Variants in EPHB2 observed in about 807,000 individuals in gnomAD.
EPHB2 encodes the protein ephrin type-B receptor 2.
In EPHB2, 18 loss-of-function variants were observed where a neutral mutation model predicts 96.4. The observed-to-expected ratio is 0.19, with a 90% CI of 0.13 to 0.28. The LOEUF (loss-of-function observed/expected upper bound fraction) is 0.28. Ranked by LOEUF, EPHB2 falls within the 10% of genes least tolerant of loss-of-function variation. The probability of loss-of-function intolerance (pLI) is 1.00; values close to 1 mark genes in which losing one functional copy is unlikely to be tolerated. For synonymous variants in EPHB2, 506 were observed against 534.1 expected (o/e 0.95, Z 0.72); for missense variants, 989 against 1,355.4 (o/e 0.73, Z 4.25).
At chr1:22,781,213 G>T (rs563619228) in intron 1 of EPHB2, among the ~76,000 whole-genome samples, 16 of 151,746 alleles carry the variant, frequency 1.1e-4, no homozygotes, top group Non-Finnish European at 2.1e-4. Flanking sequence ...CCAGCTACTC[G>T]GGAGGCTGAG....
chr1:22,820,217 G>C (rs549700776), intron 3 of EPHB2, among the ~76,000 whole-genome samples: 1 of 152,096 alleles, frequency 6.6e-6, no homozygotes, highest in African/African-American at 2.4e-5. Context: ...TTGAAGCCTC[G>C]GTGTTCCCAT....
intron 3 of EPHB2, among the ~76,000 whole-genome samples, chr1:22,829,627 A>T (rs1483024153): frequency 6.6e-6 from 1 of 152,064 alleles, no homozygotes; most frequent in African/African-American, 2.4e-5. Context: ...GTCACTGGGG[A>T]GGTGGACGTG....
intron 3 of EPHB2, among the ~76,000 whole-genome samples, chr1:22,832,401 C>A (rs572207365): frequency 3.3e-4 from 51 of 152,352 alleles, no homozygotes; most frequent in Non-Finnish European, 5.7e-4. Context: ...TGTATCCCTT[C>A]TCAGCTTGCA....
intron 1 of EPHB2, among the ~76,000 whole-genome samples, chr1:22,728,027 C>A (rs939496620): frequency 6.6e-6 from 1 of 152,014 alleles, no homozygotes; most frequent in African/African-American, 2.4e-5. Flanking sequence ...TAAAAAATGT[C>A]TTAACCACTC....
At chr1:22,905,521 A>G (rs1639882010) in intron 9 of EPHB2, among the ~76,000 whole-genome samples, 2 of 152,304 alleles carry the variant, frequency 1.3e-5, no homozygotes, top group Non-Finnish European at 2.9e-5. Flanking sequence ...AGCTCTCCTT[A>G]GCAGAACCCC....
At chr1:22,714,765 G>A (rs1053274931) in intron 1 of EPHB2, among the ~76,000 whole-genome samples, 7 of 152,162 alleles carry the variant, frequency 4.6e-5, no homozygotes, top group South Asian at 2.1e-4. Context: ...GTCGGTTCCC[G>A]GCTAGACTGT....
chr1:22,715,154 A>G (rs1227101159), intron 1 of EPHB2, among the ~76,000 whole-genome samples: 3 of 152,244 alleles, frequency 2.0e-5, no homozygotes, highest in African/African-American at 7.2e-5. Context: ...ACAGATGAAT[A>G]TATGATACTG....
Position 22,784,532 on chromosome 1 carries a change from G to A in EPHB2, c.267G>A (p.Glu89=). ...RRRGAHRIHV[E]MKFSVRDCSS... ...GTGGCGCCCACCGCATCCACGTGGAGATGAAGTTTTCGGTGCGTGACTGCA... is the reference window on the plus strand; with the variant it reads ...GTGGCGCCCACCGCATCCACGTGGAAATGAAGTTTTCGGTGCGTGACTGCA... Residue 89 remains glutamate, a synonymous_variant, in exon 3 of 16, where the codon GAG becomes GAA. Coordinates refer to ENST00000374630, the MANE Select transcript of EPHB2 (RefSeq NM_017449.5). This position sits in a 1 kb window ranked among gnomAD's most constrained non-coding sequence, Gnocchi z 5.1. The A allele has an allele frequency of 2.5e-6, 4 of 1,613,956 alleles. No homozygotes were observed. The highest frequency in any genetic ancestry group is 3.3e-4 in the Middle Eastern group (2 of 6,062).
chr1:22,842,846 C>G (rs922912074), intron 3 of EPHB2, among the ~76,000 whole-genome samples: 3 of 151,990 alleles, frequency 2.0e-5, no homozygotes, highest in Non-Finnish European at 2.9e-5. Flanking sequence ...TCTAACTCCC[C>G]CTAACTGGCA....
rs57882982 is a variant in EPHB2, at chr1:22,858,550, G to A, written c.812-4487G>A. ...TTCCCAAGCCCACACGCCCGTCAGA[G>A]GTACAACTGCCTTCCTGTGTTTCAG... On this transcript the variant is annotated intron_variant, in intron 3 of 15. Transcript: ENST00000374630. The surrounding 1 kb of genome is among the most constrained non-coding windows in gnomAD (Gnocchi z 7.7). Among the ~76,000 whole-genome samples, 898 of 152,264 alleles carry A rather than the reference G, an allele frequency of 5.9e-3. 9 individuals are homozygous for A. The highest frequency in any genetic ancestry group is 0.02 in the African/African-American group (843 of 41,532).
rs1012393719 is a variant in EPHB2, at chr1:22,847,916, G to T, written c.812-15121G>T. 2.0e-5 allele frequency among the ~76,000 whole-genome samples: 3 copies of T among 152,110 alleles called. No homozygotes were observed. In the East Asian group the frequency reaches 5.8e-4, roughly 29 times the overall value. Reference sequence around the variant, plus strand: ...ACTCATCCTTTAATACCCTATTCAAGTGGCTCCTGTTCTGGAGAGCCTTCC... The same window carrying T: ...ACTCATCCTTTAATACCCTATTCAATTGGCTCCTGTTCTGGAGAGCCTTCC... On this transcript the variant is annotated intron_variant, in intron 3 of 15. Transcript: ENST00000374630.
At chr1:22,711,840 C>G (rs959446402) in intron 1 of EPHB2, among the ~76,000 whole-genome samples, 4 of 152,318 alleles carry the variant, frequency 2.6e-5, no homozygotes, top group Admixed American at 2.0e-4. Context: ...CGGGCCCTCT[C>G]CCCGTGGCCT....
At chr1:22,764,860 G>T (rs2817886) in intron 1 of EPHB2, among the ~76,000 whole-genome samples, 1 of 152,172 alleles carries the variant, frequency 6.6e-6, no homozygotes, top group Non-Finnish European at 1.5e-5. Context: ...CCAGGTTCCC[G>T]CTCCCCTGCG....
intron 3 of EPHB2, among the ~76,000 whole-genome samples, chr1:22,816,274 A>C (rs1430033089): frequency 6.6e-6 from 1 of 152,110 alleles, no homozygotes; most frequent in Non-Finnish European, 1.5e-5. Context: ...TCTGAGCCCC[A>C]GCCCTGCTGT....
intron 1 of EPHB2, among the ~76,000 whole-genome samples, chr1:22,749,235 G>A (rs1319766350): frequency 6.6e-6 from 1 of 152,066 alleles, no homozygotes; most frequent in Non-Finnish European, 1.5e-5. Flanking sequence ...TGGCCAGGCT[G>A]GTCTCGAACT....
At chr1:22,745,627 C>T (rs1195127732) in intron 1 of EPHB2, among the ~76,000 whole-genome samples, 4 of 152,134 alleles carry the variant, frequency 2.6e-5, no homozygotes, top group Admixed American at 2.0e-4. Flanking sequence ...TGGCTTTGGG[C>T]AAGTGACCTG....
At chr1:22,792,942 G>C (rs1346732155) in intron 3 of EPHB2, among the ~76,000 whole-genome samples, 1 of 152,200 alleles carries the variant, frequency 6.6e-6, no homozygotes, top group Non-Finnish European at 1.5e-5. Context: ...CAGGCGGTCA[G>C]AGGACGGCCT....
At chr1:22,729,654 C>G (rs1643659484) in intron 1 of EPHB2, among the ~76,000 whole-genome samples, 1 of 152,232 alleles carries the variant, frequency 6.6e-6, no homozygotes, top group Admixed American at 6.5e-5. Flanking sequence ...TTGGATAACT[C>G]TCACCCATCC....
chr1:22,821,856 C>G (rs1025208368), intron 3 of EPHB2, among the ~76,000 whole-genome samples: 3 of 152,142 alleles, frequency 2.0e-5, no homozygotes, highest in Non-Finnish European at 2.9e-5. Flanking sequence ...TTACGAGATA[C>G]TCTGAAGCTA....
Sources: allele counts gnomAD v4.1 joint callset (sites outside exome capture counted in the v4.1 genomes callset), GRCh38; gene constraint gnomAD v4.1.1; non-coding constraint Gnocchi (gnomAD v3.1); transcripts MANE v1.5; gene names NCBI Gene and HGNC (gene_info 2026-07-23, HGNC 2026-07-21).